Variants in CNTNAP5 observed in about 807,000 individuals in gnomAD.
CNTNAP5 encodes contactin associated protein family member 5, also known as contactin-associated protein-like 5.
CNTNAP5 carries 72 observed loss-of-function variants against 150.2 expected under a neutral mutation model. The ratio of observed to expected loss-of-function variants is 0.48; its 90% confidence interval spans 0.40 to 0.58. The LOEUF (loss-of-function observed/expected upper bound fraction) is 0.58, where lower values mean the gene tolerates loss of function less well. Ranked by LOEUF, CNTNAP5 falls within the 20% of genes least tolerant of loss-of-function variation. The pLI, the probability that CNTNAP5 is intolerant of heterozygous loss-of-function variation, is 0.00. For missense variants in CNTNAP5, 1,636 were observed against 1,626.2 expected (o/e 1.01, Z -0.10); for synonymous variants, 672 against 619.8 (o/e 1.08, Z -1.25).
At chr2:124,706,769 A>G (rs1204525141) in intron 13 of CNTNAP5, among the ~76,000 whole-genome samples, 1 of 37,190 alleles carries the variant, frequency 2.7e-5, no homozygotes, top group South Asian at 1.2e-3. Context: ...AAGAAGAAGA[A>G]GAAGAAGAAG....
At chr2:124,803,010 G>A (rs991967063) in intron 19 of CNTNAP5, among the ~76,000 whole-genome samples, 3 of 151,824 alleles carry the variant, frequency 2.0e-5, no homozygotes, top group African/African-American at 7.3e-5. Context: ...AGCTACTCGG[G>A]AGGCTGAGGC....
intron 1 of CNTNAP5, among the ~76,000 whole-genome samples, chr2:124,164,779 T>C (rs926625102): frequency 3.9e-5 from 6 of 152,086 alleles, no homozygotes; most frequent in Non-Finnish European, 8.8e-5. Flanking sequence ...CTGGAGGCTT[T>C]TGGGTAGGGG....
chr2:124,584,001 T>A (rs12478042), intron 11 of CNTNAP5, among the ~76,000 whole-genome samples: 11,224 of 152,198 alleles, frequency 0.074, 505 homozygotes, highest in Middle Eastern at 0.13. Context: ...CACCTTCTCC[T>A]CTCCACTGTG....
intron 19 of CNTNAP5, among the ~76,000 whole-genome samples, chr2:124,803,283 T>C (rs752126283): frequency 2.6e-4 from 40 of 152,072 alleles, no homozygotes; most frequent in Non-Finnish European, 2.1e-4. Context: ...CTTGAGTTGG[T>C]CATGAAAGAT....
intron 7 of CNTNAP5, among the ~76,000 whole-genome samples, chr2:124,475,460 C>A (rs1353773589): frequency 6.6e-6 from 1 of 152,040 alleles, no homozygotes; most frequent in South Asian, 2.1e-4. Flanking sequence ...AACAGAGTGC[C>A]TTAAACGTTG....
At chr2:124,037,613 T>C (rs1681260910) in intron 1 of CNTNAP5, among the ~76,000 whole-genome samples, 1 of 152,122 alleles carries the variant, frequency 6.6e-6, no homozygotes, top group African/African-American at 2.4e-5. Flanking sequence ...AACTCACTTA[T>C]ATGTGGAATC....
intron 20 of CNTNAP5, among the ~76,000 whole-genome samples, chr2:124,868,954 G>A (rs73953203): frequency 0.017 from 2,578 of 152,138 alleles, 59 homozygotes; most frequent in African/African-American, 0.055. Context: ...TGAATGGGGA[G>A]GGCTCCCTAG....
chr2:124,573,728 T>C (rs6737584), intron 11 of CNTNAP5, among the ~76,000 whole-genome samples: 145,408 of 152,278 alleles, frequency 0.95, 69,549 homozygotes, highest in East Asian at 0.99. Flanking sequence ...ACATAAAAAA[T>C]TCAATATATG....
intron 3 of CNTNAP5, among the ~76,000 whole-genome samples, chr2:124,356,655 C>T (rs1202496183): frequency 6.6e-6 from 1 of 152,036 alleles, no homozygotes; most frequent in Non-Finnish European, 1.5e-5. Flanking sequence ...TTTATGGCTG[C>T]ATAGTATTCC....
chr2:124,684,282 C>A (rs1285764096), intron 13 of CNTNAP5, among the ~76,000 whole-genome samples: 2 of 152,142 alleles, frequency 1.3e-5, no homozygotes, highest in African/African-American at 4.8e-5. Context: ...ACTCACAGGG[C>A]AAATGCATGG....
chr2:124,872,652 C>A (rs138903984), intron 21 of CNTNAP5, among the ~76,000 whole-genome samples: 1 of 151,534 alleles, frequency 6.6e-6, no homozygotes, highest in Non-Finnish European at 1.5e-5. Context: ...GAAGTCTTAG[C>A]GGAAATGTTG....
At chr2:124,686,351 T>G (rs17011871) in intron 13 of CNTNAP5, among the ~76,000 whole-genome samples, 35,916 of 152,070 alleles carry the variant, frequency 0.24, 4,749 homozygotes, top group African/African-American at 0.36. Context: ...GACACTTATT[T>G]GAACAGCAGA....
chr2:124,903,224 G>T, intron 22 of CNTNAP5, 124 bp downstream of exon 22: 1 of 548,936 alleles, frequency 1.8e-6, no homozygotes, highest in Non-Finnish European at 3.1e-6. Context: ...AATAACAGGT[G>T]GCTAAAAATT....
chr2:124,529,220 T>C (rs1206348929), intron 10 of CNTNAP5, among the ~76,000 whole-genome samples: 2 of 152,130 alleles, frequency 1.3e-5, no homozygotes, highest in Non-Finnish European at 2.9e-5. Context: ...GGGAGAAGCA[T>C]CCTACTTCAT....
intron 3 of CNTNAP5, among the ~76,000 whole-genome samples, chr2:124,357,404 T>G (rs1401140688): frequency 2.0e-5 from 3 of 151,988 alleles, no homozygotes; most frequent in Non-Finnish European, 4.4e-5. Context: ...TGAATGGTAA[T>G]GCCTAGGTTT....
At chr2:124,124,226 T>C (rs1683632796) in intron 1 of CNTNAP5, among the ~76,000 whole-genome samples, 2 of 152,148 alleles carry the variant, frequency 1.3e-5, no homozygotes, top group Admixed American at 6.5e-5. Flanking sequence ...AATGACCTGA[T>C]GGAGCTGAAA....
chr2:124,089,004 C>G (rs372560695), intron 1 of CNTNAP5, among the ~76,000 whole-genome samples: 2 of 152,284 alleles, frequency 1.3e-5, no homozygotes, highest in African/African-American at 4.8e-5. Flanking sequence ...AGAGAACAGG[C>G]TTGTTTTGGG....
At chr2:124,081,516 C>T (rs972482427) in intron 1 of CNTNAP5, among the ~76,000 whole-genome samples, 1 of 152,166 alleles carries the variant, frequency 6.6e-6, no homozygotes, top group African/African-American at 2.4e-5. Context: ...TTTCTTATCT[C>T]TGGAAAATGT....
In CNTNAP5 at chr2:124,226,618, C is replaced by G. The variant is rs528473727; in HGVS notation, c.187+4809C>G. The stretch of plus-strand genomic sequence containing the variant: ...AGGTTTTTAGTTTGATATAGTCCCA[C>G]TTGCTCATTTTTGTCTTTGTTGTCT... On this transcript the variant is annotated intron_variant, in intron 2 of 23. Transcript: ENST00000682447. 2.1e-4 allele frequency among the ~76,000 whole-genome samples: 32 copies of G among 152,158 alleles called. 1 individual carries two copies. The South Asian group carries it at 6.6e-3, about 32-fold the overall frequency.
Sources: allele counts gnomAD v4.1 joint callset (sites outside exome capture counted in the v4.1 genomes callset), GRCh38; gene constraint gnomAD v4.1.1; transcripts MANE v1.5; gene names NCBI Gene and HGNC (gene_info 2026-07-23, HGNC 2026-07-21).